The following SYNJ2 variants were observed in gnomAD, a reference collection of about 807,000 sequenced individuals.
SYNJ2 encodes synaptojanin 2.
In SYNJ2, 116 loss-of-function variants were observed where a neutral mutation model predicts 141.3. The ratio of observed to expected loss-of-function variants is 0.82; its 90% CI spans 0.71 to 0.96. The LOEUF is 0.96. Among genes scored for constraint, SYNJ2 ranks in the 40% least tolerant of loss-of-function variants. The pLI, the probability that SYNJ2 is intolerant of heterozygous loss-of-function variation, is 0.00. For missense variants in SYNJ2, 1,873 were observed against 1,934.8 expected (o/e 0.97, Z 0.60); for synonymous variants, 745 against 777.7 (o/e 0.96, Z 0.70).
rs781649822 is a variant in SYNJ2 at position 158,084,124 on chromosome 6, C to A, written c.3158C>A (p.Pro1053His). Residue 1053 changes from proline (P) to histidine (H), a missense_variant, in exon 22 of 27, where the codon CCC becomes CAC. Transcript: ENST00000355585. This position sits in a 1 kb window ranked among gnomAD's most constrained non-coding sequence, Gnocchi z 5.0. ...CCCGGCCCCACAGCACTGGCTCCTC[C>A]CAGCAAGTCACCTGCTCTCACCAAA... Reference protein sequence around the residue: ...DVPGPTALAPPSKSPALTKKK... With the variant: ...DVPGPTALAPHSKSPALTKKK... 1 of 1,614,090 alleles carries A rather than the reference C, an allele frequency of 6.2e-7. No homozygotes were observed.
At chr6:158,011,941 A>C (rs1344137145) in intron 1 of SYNJ2, among the ~76,000 whole-genome samples, 1 of 152,124 alleles carries the variant, frequency 6.6e-6, no homozygotes, top group East Asian at 1.9e-4. Context: ...TATTGCATTT[A>C]TCAGTTTATC....
Position 157,982,189 on chromosome 6 carries a change from G to A in SYNJ2, c.127+101G>A, listed in dbSNP as rs2128311530. On this transcript the variant is annotated intron_variant, in intron 1 of 26. Transcript: ENST00000355585. The surrounding 1 kb of genome is among the most constrained non-coding windows in gnomAD (Gnocchi z 4.0). Reference sequence around the variant, plus strand: ...CCCCCCTTCCCGAGGGGATCGGGCGGCGCTGGGACTGCCGGGGCGTAGGGG... The same window carrying A: ...CCCCCCTTCCCGAGGGGATCGGGCGACGCTGGGACTGCCGGGGCGTAGGGG... The A allele has an allele frequency of 8.1e-7, 1 of 1,236,158 alleles. No homozygotes were observed. The highest frequency in any genetic ancestry group is 4.3e-5 in the Admixed American group (1 of 23,438). 76.6% of individuals were successfully genotyped at this position (1,236,158 alleles called of 1,614,324 possible). A position where few individuals can be genotyped will look rare whatever the true frequency, so the allele number is the denominator to read the frequency against.
chr6:158,083,527 G>A lies in SYNJ2; in HGVS notation c.2964G>A (p.Val988=), dbSNP rs932941963. 2.5e-6 allele frequency: 4 copies of A among 1,614,058 alleles called. No individual in the cohort carries two copies. Among genetic ancestry groups the A allele is most frequent in the African/African-American group, 1.3e-5 (1 of 74,906 alleles). The change falls in exon 21 of 27, where the codon GTG becomes GTA. Residue 988 remains valine, a synonymous_variant. Coordinates refer to ENST00000355585, the MANE Select transcript of SYNJ2 (RefSeq NM_003898.4). ...IIRKRDSMAP[V]SPTANSCLLE... ...GGAAACGAGACAGCATGGCCCCCGT[G>A]TCTCCCACTGCCAACTCCTGTTTGC...
At chr6:158,033,725 CTGCAGCTCT>C in intron 4 of SYNJ2, 45 bp downstream of exon 4, 1 of 1,566,462 alleles carries the variant, frequency 6.4e-7, no homozygotes, top group Non-Finnish European at 8.7e-7. Flanking sequence ...TTCCGAGTGG[CTGCAGCTCT>C]TGCACACGCG....
rs1453787933 is a variant in SYNJ2 at position 158,092,968 on chromosome 6, T to C, written c.3608T>C (p.Leu1203Pro). 1 of 1,610,756 alleles carries C rather than the reference T, an allele frequency of 6.2e-7. No individual in the cohort carries two copies. The highest frequency in any genetic ancestry group is 8.5e-7 in the Non-Finnish European group (1 of 1,179,226). The stretch of plus-strand genomic sequence containing the variant: ...CTAAGTGCCGTGGCCCCAAGGGACC[T>C]TGAAGCATCCTCTGAACCAGAGCCC... Reference protein sequence around the residue: ...EALSAVAPRDLEASSEPEPTP... With the variant: ...EALSAVAPRDPEASSEPEPTP... The change falls in exon 26 of 27, where the codon CTT becomes CCT. Residue 1203 changes from leucine to proline, a missense_variant. Coordinates refer to ENST00000355585, the MANE Select transcript of SYNJ2 (RefSeq NM_003898.4).
At chr6:157,997,136 TTTC>T (rs1198925121) in intron 1 of SYNJ2, among the ~76,000 whole-genome samples, 1 of 151,286 alleles carries the variant, frequency 6.6e-6, no homozygotes, top group Non-Finnish European at 1.5e-5. Context: ...CCTGGTTTCC[TTTC>T]TTCTTGGCGC....
At chr6:158,041,647 C>T (rs2128343329) in intron 4 of SYNJ2, among the ~76,000 whole-genome samples, 1 of 152,294 alleles carries the variant, frequency 6.6e-6, no homozygotes, top group East Asian at 1.9e-4. Context: ...GCATTGTTAG[C>T]ACTTGGGGCA....
chr6:157,981,957 C>A lies in SYNJ2; in HGVS notation c.-5C>A. 3.2e-6 allele frequency: 4 copies of A among 1,232,398 alleles called. No individual in the cohort carries two copies. The South Asian group carries it at 1.6e-4, about 48-fold the overall frequency. 76.3% of individuals were successfully genotyped at this position (1,232,398 alleles called of 1,614,324 possible). A position where few individuals can be genotyped will look rare whatever the true frequency, so the allele number is the denominator to read the frequency against. On this transcript the variant is annotated 5_prime_UTR_variant, in exon 1 of 27. Transcript: ENST00000355585. This position sits in a 1 kb window ranked among gnomAD's most constrained non-coding sequence, Gnocchi z 6.4. ...CGGCCCCCGCCCGCAGTGGGCCCGA[C>A]CCTCATGGCCCTGAGCAAAGGGCTG...
chr6:157,993,797 GTTTTTTTTTTTTTTTTTTTTTTTTT>G (rs61529071), intron 1 of SYNJ2, among the ~76,000 whole-genome samples: 3 of 47,944 alleles, frequency 6.3e-5, no homozygotes, highest in African/African-American at 2.3e-4. Context: ...AAATGTGTGG[GTTTTTTTTTTTTTTTTTTTTTTTTT>G]TTTTTTTTTT....
intron 1 of SYNJ2, among the ~76,000 whole-genome samples, chr6:158,004,851 G>A (rs942323437): frequency 2.0e-5 from 3 of 151,918 alleles, no homozygotes; most frequent in Non-Finnish European, 4.4e-5. Flanking sequence ...CTTTCTCGCT[G>A]TCATTTCTCA....
chr6:157,987,644 C>T (rs187131376), intron 1 of SYNJ2, among the ~76,000 whole-genome samples: 89 of 152,250 alleles, frequency 5.8e-4, no homozygotes, highest in Non-Finnish European at 8.7e-4. Flanking sequence ...TCAAGTGATC[C>T]GCCCGCCTCG....
At chr6:157,985,405 A>T (rs534124873) in intron 1 of SYNJ2, among the ~76,000 whole-genome samples, 47 of 152,262 alleles carry the variant, frequency 3.1e-4, no homozygotes, top group African/African-American at 1.0e-3. Flanking sequence ...TGGGAGCAAA[A>T]ATTCCAGAGG....
chr6:157,995,658 C>A (rs1777608788), intron 1 of SYNJ2, among the ~76,000 whole-genome samples: 1 of 152,192 alleles, frequency 6.6e-6, no homozygotes, highest in Non-Finnish European at 1.5e-5. Context: ...CGGACACATG[C>A]ATGCACACAC....
rs777010951 is a variant in SYNJ2, at chr6:158,083,501, C to T, written c.2938C>T (p.Arg980Trp). Residue 980 changes from arginine (R) to tryptophan (W), a missense_variant, in exon 21 of 27, where the codon CGG (arginine) becomes TGG (tryptophan). Coordinates refer to ENST00000355585, the MANE Select transcript of SYNJ2 (RefSeq NM_003898.4). ...WLKGLREEII[R>W]KRDSMAPVSP... Reference sequence around the variant, plus strand: ...GAAAGGTTTGCGAGAGGAGATCATTCGGAAACGAGACAGCATGGCCCCCGT... The same window carrying T: ...GAAAGGTTTGCGAGAGGAGATCATTTGGAAACGAGACAGCATGGCCCCCGT... The T allele has an allele frequency of 2.6e-5, 42 of 1,614,014 alleles. No homozygotes were observed. The highest frequency in any genetic ancestry group is 1.6e-4 in the Middle Eastern group (1 of 6,084).
At chr6:158,090,844 C>T (rs1320801075) in intron 25 of SYNJ2, among the ~76,000 whole-genome samples, 1 of 150,280 alleles carries the variant, frequency 6.7e-6, no homozygotes, top group African/African-American at 2.4e-5. Flanking sequence ...CACACCTGGC[C>T]GAGTGTGCCC....
chr6:158,070,159 T>A lies in SYNJ2; in HGVS notation c.1940+486T>A. On this transcript the variant is annotated intron_variant, in intron 14 of 26. Transcript: ENST00000355585. This position sits in a 1 kb window ranked among gnomAD's most constrained non-coding sequence, Gnocchi z 4.0. ...AAGGGGGCGAGCTTAGGGGCGGCAT[T>A]CCTCTTGGGGTGTGGGTGTGGGTGT... 1 of 985,850 alleles carries A rather than the reference T, an allele frequency of 1.0e-6. No individual in the cohort carries two copies. The highest frequency in any genetic ancestry group is 1.2e-6 in the Non-Finnish European group (1 of 830,274). The allele number at this position is 985,850 out of a possible 1,614,324, so 61.1% of individuals were successfully genotyped here. A position where few individuals can be genotyped will look rare whatever the true frequency, so the allele number is the denominator to read the frequency against.
chr6:158,006,042 C>G (rs1179905478), intron 1 of SYNJ2, among the ~76,000 whole-genome samples: 1 of 152,176 alleles, frequency 6.6e-6, no homozygotes, highest in Non-Finnish European at 1.5e-5. Context: ...TGGTCCTGAC[C>G]TCTCTCTCAG....
Position 158,084,249 on chromosome 6 carries a change from C to G in SYNJ2, c.3208+75C>G, listed in dbSNP as rs1782896073. ...GGACAGACTTTCCTTTTTCTCTTGGCGATTGGGCACTGTGTGATATCAAGT... is the reference window on the plus strand; with the variant it reads ...GGACAGACTTTCCTTTTTCTCTTGGGGATTGGGCACTGTGTGATATCAAGT... On this transcript the variant is annotated intron_variant, in intron 22 of 26. Transcript: ENST00000355585. This position sits in a 1 kb window ranked among gnomAD's most constrained non-coding sequence, Gnocchi z 5.0. The G allele has an allele frequency of 8.7e-6, 13 of 1,488,344 alleles. No homozygotes were observed. In the South Asian group the frequency reaches 1.2e-4, roughly 14 times the overall value. 92.2% of individuals were successfully genotyped at this position (1,488,344 alleles called of 1,614,324 possible). A position where few individuals can be genotyped will look rare whatever the true frequency, so the allele number is the denominator to read the frequency against.
At chr6:158,074,435 A>G (rs1782137076) in intron 15 of SYNJ2, 145 bp from the exon 16 acceptor site, 2 of 767,462 alleles carry the variant, frequency 2.6e-6, no homozygotes, top group African/African-American at 3.5e-5. Flanking sequence ...AGTGAAAAAC[A>G]AGATGCTCTA....
Sources: allele counts gnomAD v4.1 joint callset (sites outside exome capture counted in the v4.1 genomes callset), GRCh38; gene constraint gnomAD v4.1.1; non-coding constraint Gnocchi (gnomAD v3.1); transcripts MANE v1.5; gene names NCBI Gene and HGNC (gene_info 2026-07-23, HGNC 2026-07-21).